The following ZFHX3 variants were observed in gnomAD, a reference collection of about 807,000 sequenced individuals.
The protein encoded by ZFHX3 is zinc finger homeobox 3, also known as zinc finger homeobox protein 3.
Under a neutral mutation model 279.1 loss-of-function variants are expected in ZFHX3, and 42 were observed. That is an observed-to-expected ratio of 0.15 (90% CI 0.12 to 0.19). The LOEUF is 0.19. Among genes scored for constraint, ZFHX3 ranks in the 10% least tolerant of loss-of-function variants. ZFHX3 has a pLI of 1.00. For synonymous variants in ZFHX3, 2,293 were observed against 1,957.8 expected (o/e 1.17, Z -4.52); for missense variants, 4,981 against 4,754.0 (o/e 1.05, Z -1.40).
At chr16:73,192,504 C>T (rs983536219) in intron 5 of ZFHX3, among the ~76,000 whole-genome samples, 9 of 152,122 alleles carry the variant, frequency 5.9e-5, no homozygotes, top group South Asian at 2.1e-4. Flanking sequence ...TCAGGATCCG[C>T]TGGACTCGAC....
intron 3 of ZFHX3, among the ~76,000 whole-genome samples, chr16:73,348,682 C>T (rs772880161): frequency 1.3e-5 from 2 of 152,234 alleles, no homozygotes; most frequent in Non-Finnish European, 2.9e-5. Context: ...ACAAGCAACA[C>T]ACTCACACGT....
At chr16:73,663,479 T>C (rs2052805976) in intron 2 of ZFHX3, among the ~76,000 whole-genome samples, 1 of 152,196 alleles carries the variant, frequency 6.6e-6, no homozygotes, top group African/African-American at 2.4e-5. Context: ...AGTTCCAATT[T>C]TGCCAACAAC....
At chr16:73,376,313 C>T (rs2016721943) in intron 3 of ZFHX3, among the ~76,000 whole-genome samples, 1 of 152,196 alleles carries the variant, frequency 6.6e-6, no homozygotes, top group South Asian at 2.1e-4. Context: ...TTAAGAAGGT[C>T]ATTACCGACT....
intron 2 of ZFHX3, among the ~76,000 whole-genome samples, chr16:73,547,611 G>A (rs1388742817): frequency 1.3e-5 from 2 of 152,090 alleles, no homozygotes; most frequent in Non-Finnish European, 1.5e-5. Context: ...AAATCTTGAT[G>A]GTGAGTAGGG....
chr16:72,810,208 T>TG (rs1273118281), intron 7 of ZFHX3, among the ~76,000 whole-genome samples: 1 of 143,066 alleles, frequency 7.0e-6, no homozygotes, highest in African/African-American at 2.6e-5. Context: ...TCTTTTGAGA[T>TG]GGAGTCCTGC....
intron 2 of ZFHX3, among the ~76,000 whole-genome samples, chr16:73,497,942 CT>C (rs928783547): frequency 1.3e-5 from 2 of 152,238 alleles, no homozygotes; most frequent in African/African-American, 4.8e-5. Flanking sequence ...CCCAATCACT[CT>C]TTCAACCTAA....
chr16:73,543,874 GAGC>G, intron 2 of ZFHX3: 1 of 146,620 alleles, frequency 6.8e-6, no homozygotes, highest in African/African-American at 2.7e-5. Context: ...GGGAGAGAGA[GAGC>G]GAGAGAGGGA....
chr16:73,200,904 C>T (rs977861256), intron 5 of ZFHX3, among the ~76,000 whole-genome samples: 1 of 152,110 alleles, frequency 6.6e-6, no homozygotes, highest in African/African-American at 2.4e-5. Context: ...TGTAAACCAC[C>T]CAATTTTCCA....
At chr16:72,990,170 G>C (rs144758118) in intron 1 of ZFHX3, among the ~76,000 whole-genome samples, 2,089 of 152,294 alleles carry the variant, frequency 0.014, 49 homozygotes, top group African/African-American at 0.048. Context: ...AGGAGGGTGG[G>C]GAAGGGCAGC....
At position 72,786,989 on chromosome 16, in the gene ZFHX3, C is replaced by T; in HGVS notation, c.*175G>A. The T allele has an allele frequency of 2.0e-6, 1 of 509,104 alleles. No individual in the cohort carries two copies. The allele number at this position is 509,104 out of a possible 1,614,324, so 31.5% of individuals were successfully genotyped here. On this transcript the variant is annotated 3_prime_UTR_variant, in exon 10 of 10. Transcript: ENST00000268489. ...AGAAAAAGACAAGAATGTAAAATCA[C>T]CGGCATAGATAGGTATATGGGAAAA... is the stretch of plus-strand genomic sequence containing the variant.
chr16:73,715,966 C>A (rs1025699235), intron 1 of ZFHX3, among the ~76,000 whole-genome samples: 9 of 152,094 alleles, frequency 5.9e-5, no homozygotes, highest in East Asian at 1.9e-4. Flanking sequence ...TTTAAACAAC[C>A]ACCTGCATAA....
At chr16:73,266,205 G>A (rs1263634360) in intron 4 of ZFHX3, among the ~76,000 whole-genome samples, 3 of 152,192 alleles carry the variant, frequency 2.0e-5, no homozygotes, top group Non-Finnish European at 4.4e-5. Flanking sequence ...CCAGTGGGCA[G>A]TTGCGACTGG....
chr16:73,146,431 G>GA (rs199800717), intron 5 of ZFHX3, among the ~76,000 whole-genome samples: 31,411 of 140,216 alleles, frequency 0.22, 3,593 homozygotes, highest in Admixed American at 0.37. Context: ...CATCTCAAAA[G>GA]AAAAAAAAAA....
At chr16:73,286,392 G>C (rs2014596586) in intron 4 of ZFHX3, among the ~76,000 whole-genome samples, 1 of 152,236 alleles carries the variant, frequency 6.6e-6, no homozygotes, top group South Asian at 2.1e-4. Context: ...AAATGGCTCT[G>C]TGAACCCCAG....
At chr16:73,611,048 CT>C (rs1442096886) in intron 2 of ZFHX3, among the ~76,000 whole-genome samples, 2 of 152,226 alleles carry the variant, frequency 1.3e-5, no homozygotes, top group African/African-American at 4.8e-5. Context: ...GCTGTCACCC[CT>C]GTGATAGGTC....
intron 3 of ZFHX3, among the ~76,000 whole-genome samples, chr16:73,410,626 T>C (rs2017446819): frequency 6.6e-6 from 1 of 152,144 alleles, no homozygotes; most frequent in South Asian, 2.1e-4. Context: ...AGTCTTCAGT[T>C]TGTAGCCACA....
At chr16:73,029,357 C>T (rs947323057) in intron 1 of ZFHX3, among the ~76,000 whole-genome samples, 2 of 152,190 alleles carry the variant, frequency 1.3e-5, no homozygotes, top group Non-Finnish European at 2.9e-5. Context: ...ATGAGAAACG[C>T]TCCTTGGTCA....
chr16:73,780,447 C>CA (rs1555501235), intron 1 of ZFHX3, among the ~76,000 whole-genome samples: 1 of 142,270 alleles, frequency 7.0e-6, no homozygotes, highest in Admixed American at 7.1e-5. Context: ...CGTGCCTGAA[C>CA]TTTTTTTTTT....
At chr16:73,189,935 A>C (rs11644798) in intron 5 of ZFHX3, among the ~76,000 whole-genome samples, 25,440 of 152,184 alleles carry the variant, frequency 0.17, 2,289 homozygotes, top group African/African-American at 0.23. Flanking sequence ...TCTCTAAAAA[A>C]ATTAAAAAAA....
Sources: gnomAD v4.1 joint callset for allele counts (sites outside exome capture counted in the v4.1 genomes callset) on GRCh38, gnomAD v4.1.1 for gene constraint, MANE v1.5 for transcripts, NCBI Gene and HGNC (gene_info 2026-07-23, HGNC 2026-07-21) for gene names.